Variants in GPC5 observed in about 807,000 individuals in gnomAD.
GPC5 encodes glypican 5.
In GPC5, 47 loss-of-function variants were observed where a neutral mutation model predicts 53.9. The ratio of observed to expected loss-of-function variants is 0.87; its 90% confidence interval spans 0.69 to 1.11. GPC5 has a LOEUF of 1.11. Ranked by LOEUF, GPC5 falls within the 50% of genes most tolerant of loss-of-function variation. The pLI is 0.00. For synonymous variants in GPC5, 286 were observed against 263.3 expected, an observed-to-expected ratio of 1.09 and a Z score of -0.84; for missense variants, 748 against 713.1, an observed-to-expected ratio of 1.05 and a Z score of -0.56.
intron 6 of GPC5, among the ~76,000 whole-genome samples, chr13:91,939,743 A>C (rs1023286091): frequency 6.6e-6 from 1 of 152,146 alleles, no homozygotes; most frequent in African/African-American, 2.4e-5. Context: ...CACATATGAG[A>C]GGATGAAGTC....
chr13:92,285,063 T>A (rs2139174855), intron 7 of GPC5, among the ~76,000 whole-genome samples: 1 of 152,286 alleles, frequency 6.6e-6, no homozygotes, highest in East Asian at 1.9e-4. Flanking sequence ...ACAAAATCAA[T>A]GTGCAAAAAT....
intron 5 of GPC5, among the ~76,000 whole-genome samples, chr13:91,768,904 A>G (rs2138689507): frequency 6.6e-6 from 1 of 152,334 alleles, no homozygotes; most frequent in African/African-American, 2.4e-5. Context: ...TGTAGGGTAG[A>G]GAGAGCCACA....
intron 7 of GPC5, among the ~76,000 whole-genome samples, chr13:92,323,120 G>GA (rs962660931): frequency 1.3e-5 from 2 of 150,522 alleles, no homozygotes; most frequent in African/African-American, 2.4e-5. Context: ...GTGGTATAAT[G>GA]AAAAAAAATA....
intron 7 of GPC5, among the ~76,000 whole-genome samples, chr13:92,159,426 A>G (rs1257393984): frequency 3.3e-5 from 5 of 151,988 alleles, no homozygotes; most frequent in African/African-American, 1.2e-4. Flanking sequence ...AGCGCCAGCA[A>G]TTTGGGGCGG....
Position 91,528,220 on chromosome 13 carries a change from A to G in GPC5, c.325+79298A>G, listed in dbSNP as rs532042486. 5.3e-5 allele frequency among the ~76,000 whole-genome samples: 8 copies of G among 152,318 alleles called. No individual in the cohort carries two copies. In the South Asian group the frequency reaches 8.3e-4, roughly 16 times the overall value. ...CTTTTAAACATAAGTTACAATTTCA[A>G]TCATTTCTTTGTGAATGCATATGAC... On this transcript the variant is annotated intron_variant, in intron 2 of 7. Coordinates refer to ENST00000377067, the MANE Select transcript of GPC5 (RefSeq NM_004466.6).
intron 5 of GPC5, among the ~76,000 whole-genome samples, chr13:91,863,529 C>A (rs1389476074): frequency 6.6e-6 from 1 of 152,118 alleles, no homozygotes; most frequent in Admixed American, 6.6e-5. Flanking sequence ...ATCTGTCCTG[C>A]TACCACAAAA....
intron 7 of GPC5, among the ~76,000 whole-genome samples, chr13:92,764,456 C>T (rs1472002061): frequency 2.0e-5 from 3 of 152,196 alleles, no homozygotes; most frequent in African/African-American, 7.2e-5. Context: ...GCCATATGGA[C>T]TCGAGGCAGC....
At chr13:91,838,486 T>G (rs1383032081) in intron 5 of GPC5, among the ~76,000 whole-genome samples, 2 of 152,048 alleles carry the variant, frequency 1.3e-5, no homozygotes, top group African/African-American at 4.8e-5. Context: ...ATATTATGCA[T>G]GTTTACAGAG....
Position 91,783,836 on chromosome 13 carries a change from C to T in GPC5, c.1280+27416C>T, listed in dbSNP as rs181203704. Reference sequence around the variant, plus strand: ...AAGTTCTACTAAAGTCAATAATTAGCATGTCTCTATATCAGTGATTAATGC... The same window carrying T: ...AAGTTCTACTAAAGTCAATAATTAGTATGTCTCTATATCAGTGATTAATGC... On this transcript the variant is annotated intron_variant, in intron 5 of 7. Transcript: ENST00000377067. 5.9e-5 allele frequency among the ~76,000 whole-genome samples: 9 copies of T among 152,248 alleles called. No homozygotes were observed. The East Asian group carries it at 1.5e-3, about 26-fold the overall frequency.
chr13:91,505,552 G>T (rs1472130938), intron 2 of GPC5, among the ~76,000 whole-genome samples: 1 of 152,190 alleles, frequency 6.6e-6, no homozygotes, highest in African/African-American at 2.4e-5. Context: ...TGTCAGTCAA[G>T]ATGTGGAACT....
At chr13:92,501,167 G>A (rs1566617945) in intron 7 of GPC5, among the ~76,000 whole-genome samples, 1 of 152,044 alleles carries the variant, frequency 6.6e-6, no homozygotes, top group Non-Finnish European at 1.5e-5. Flanking sequence ...ACAGTAATGA[G>A]AGTAATTAGA....
chr13:91,693,172 CT>C lies in GPC5; in HGVS notation c.326-14del, dbSNP rs771891931. The C allele has an allele frequency of 6.3e-7, 1 of 1,590,678 alleles. No individual in the cohort carries two copies. Among genetic ancestry groups the C allele is most frequent in the Admixed American group, 1.7e-5 (1 of 59,156 alleles). ...TACTAAACCTTCTCATGTTTTACCT[CT>C]GCTTGTGTTACAGAAACCCTTGAAA... On this transcript the variant is annotated splice_polypyrimidine_tract_variant and intron_variant, in intron 2 of 7. Transcript: ENST00000377067.
At chr13:92,633,083 G>A (rs564383879) in intron 7 of GPC5, among the ~76,000 whole-genome samples, 6 of 152,004 alleles carry the variant, frequency 3.9e-5, no homozygotes, top group Admixed American at 2.0e-4. Flanking sequence ...TAAAGACGGG[G>A]TTTCACCATG....
intron 2 of GPC5, among the ~76,000 whole-genome samples, chr13:91,503,979 A>G (rs1362223706): frequency 6.6e-6 from 1 of 151,684 alleles, no homozygotes; most frequent in African/African-American, 2.4e-5. Flanking sequence ...AGTAAATGGC[A>G]TATCATAGTT....
chr13:92,527,109 AAAGAAAGAAAG>A (rs1259842246), intron 7 of GPC5, among the ~76,000 whole-genome samples: 2 of 5,062 alleles, frequency 4.0e-4, no homozygotes, highest in Non-Finnish European at 7.9e-4. Context: ...AAGAAAGAAA[AAAGAAAGAAAG>A]AAAGAAAGAA....
chr13:92,137,681 A>C (rs1317189421), intron 6 of GPC5, among the ~76,000 whole-genome samples: 1 of 152,164 alleles, frequency 6.6e-6, no homozygotes, highest in Non-Finnish European at 1.5e-5. Flanking sequence ...GCTTTAGTGC[A>C]GTGATGCAAT....
chr13:91,878,011 T>G (rs1231144681), intron 5 of GPC5, among the ~76,000 whole-genome samples: 1 of 152,172 alleles, frequency 6.6e-6, no homozygotes, highest in African/African-American at 2.4e-5. Flanking sequence ...CATTGCCATG[T>G]GAGAAGTGCC....
At chr13:92,453,014 A>G (rs1012052307) in intron 7 of GPC5, among the ~76,000 whole-genome samples, 6 of 152,190 alleles carry the variant, frequency 3.9e-5, no homozygotes, top group Non-Finnish European at 1.5e-5. Flanking sequence ...CCTATGCCGC[A>G]CTACTACGCA....
At position 91,410,522 on chromosome 13, in the gene GPC5, AT is replaced by A. The variant is rs997611946; in HGVS notation, c.163+11318del. ...CACCACACCTGGCTAATTTTTTTGTATTTTTAGTAGAGACGGGGTTTCACTG... is the reference window on the plus strand; with the variant it reads ...CACCACACCTGGCTAATTTTTTTGTATTTTAGTAGAGACGGGGTTTCACTG... On this transcript the variant is annotated intron_variant, in intron 1 of 7. Coordinates refer to ENST00000377067, the MANE Select transcript of GPC5 (RefSeq NM_004466.6). Among the ~76,000 whole-genome samples the A allele has an allele frequency of 1.4e-3, 215 of 150,758 alleles. 1 individual carries two copies. The highest frequency in any genetic ancestry group is 4.8e-3 in the African/African-American group (199 of 41,214).
Sources: gnomAD v4.1 joint callset for allele counts (sites outside exome capture counted in the v4.1 genomes callset) on GRCh38, gnomAD v4.1.1 for gene constraint, MANE v1.5 for transcripts, NCBI Gene and HGNC (gene_info 2026-07-23, HGNC 2026-07-21) for gene names.